The following NOS1AP variants were observed in gnomAD, a reference collection of about 807,000 sequenced individuals.
NOS1AP encodes nitric oxide synthase 1 adaptor protein.
In NOS1AP, 21 loss-of-function variants were observed where a neutral mutation model predicts 56.2. That is an observed-to-expected ratio of 0.37 (90% confidence interval 0.26 to 0.54). The LOEUF (loss-of-function observed/expected upper bound fraction) is 0.54, where lower values mean the gene tolerates loss of function less well. NOS1AP is among the 20% of genes least tolerant of loss of function. NOS1AP has a pLI of 0.84. For synonymous variants in NOS1AP, 270 were observed against 274.6 expected (o/e 0.98, Z 0.17); for missense variants, 522 against 657.8 (o/e 0.79, Z 2.26).
At chr1:162,182,739 G>T (rs901451552) in intron 2 of NOS1AP, among the ~76,000 whole-genome samples, 1 of 152,130 alleles carries the variant, frequency 6.6e-6, no homozygotes, top group Non-Finnish European at 1.5e-5. Context: ...TCCCTAAGAA[G>T]CAACTCCTCA....
chr1:162,267,820 A>G (rs1358634660), intron 2 of NOS1AP, among the ~76,000 whole-genome samples: 1 of 152,186 alleles, frequency 6.6e-6, no homozygotes, highest in East Asian at 1.9e-4. Flanking sequence ...TGATAGCCTT[A>G]ATGGAGCAGA....
intron 2 of NOS1AP, among the ~76,000 whole-genome samples, chr1:162,242,133 A>T (rs1198441798): frequency 2.6e-5 from 4 of 152,188 alleles, no homozygotes; most frequent in Non-Finnish European, 5.9e-5. Context: ...CAGACACTCA[A>T]CTAGGCTTGA....
At chr1:162,221,130 G>T (rs1038956925) in intron 2 of NOS1AP, among the ~76,000 whole-genome samples, 1 of 152,076 alleles carries the variant, frequency 6.6e-6, no homozygotes, top group African/African-American at 2.4e-5. Context: ...TAGTAGAGAC[G>T]GGGTTTCACC....
At chr1:162,312,221 T>A (rs1255183925) in intron 4 of NOS1AP, among the ~76,000 whole-genome samples, 1 of 142,980 alleles carries the variant, frequency 7.0e-6, no homozygotes, top group Non-Finnish European at 1.5e-5. Flanking sequence ...TGTTCCTATT[T>A]CTCCACATCC....
chr1:162,080,967 C>CTCAT, intron 1 of NOS1AP, among the ~76,000 whole-genome samples: 1 of 152,240 alleles, frequency 6.6e-6, no homozygotes, highest in South Asian at 2.1e-4. Flanking sequence ...GAGTAACTTG[C>CTCAT]TCATGGTCTA....
rs57313228 is a variant in NOS1AP, at chr1:162,251,869, G to GTTTTTTTTTTTTTTTTT, written c.178-35471_178-35455dup. On this transcript the variant is annotated intron_variant, in intron 2 of 9. Coordinates refer to ENST00000361897, the MANE Select transcript of NOS1AP (RefSeq NM_014697.3). The stretch of plus-strand genomic sequence containing the variant: ...CACCTAGCTAGTTGTTTTTTTTTTT[G>GTTTTTTTTTTTTTTTTT]TTTTTTTTTTTTTTTTTTTTGTGGA... Among the ~76,000 whole-genome samples the GTTTTTTTTTTTTTTTTT allele has an allele frequency of 3.2e-3, 266 of 82,106 alleles. 2 individuals carry two copies. Among genetic ancestry groups the GTTTTTTTTTTTTTTTTT allele is most frequent in the Middle Eastern group, 0.015 (1 of 66 alleles). The allele number at this position is 82,106 out of a possible 152,430, so 53.9% of individuals were successfully genotyped here.
At chr1:162,133,256 T>A (rs1421674909) in intron 1 of NOS1AP, among the ~76,000 whole-genome samples, 1 of 152,266 alleles carries the variant, frequency 6.6e-6, no homozygotes. Flanking sequence ...TTAGATGCAC[T>A]GTGTTGGTAA....
intron 1 of NOS1AP, among the ~76,000 whole-genome samples, chr1:162,116,912 C>T (rs1647982215): frequency 6.6e-6 from 1 of 152,136 alleles, no homozygotes; most frequent in Non-Finnish European, 1.5e-5. Context: ...CTACATAGAT[C>T]TGTAGCTTTT....
intron 1 of NOS1AP, among the ~76,000 whole-genome samples, chr1:162,096,697 T>C (rs1483160111): frequency 6.6e-6 from 1 of 152,232 alleles, no homozygotes; most frequent in Non-Finnish European, 1.5e-5. Context: ...AATGATATAA[T>C]ATGGTGCTTA....
At chr1:162,136,271 C>CTTTA (rs1391725200) in intron 1 of NOS1AP, among the ~76,000 whole-genome samples, 4 of 151,868 alleles carry the variant, frequency 2.6e-5, no homozygotes, top group East Asian at 3.9e-4. Context: ...GATGGGGATT[C>CTTTA]TTTATTTATT....
chr1:162,287,801 AGAG>A (rs756181597), intron 3 of NOS1AP, among the ~76,000 whole-genome samples: 5 of 152,178 alleles, frequency 3.3e-5, no homozygotes, highest in Non-Finnish European at 5.9e-5. Flanking sequence ...TTGGGCAGCG[AGAG>A]GAGGCTTCCT....
chr1:162,073,514 G>A (rs900994271), intron 1 of NOS1AP, among the ~76,000 whole-genome samples: 1 of 152,160 alleles, frequency 6.6e-6, no homozygotes. Context: ...AGGCTGGAGT[G>A]CAATGGCATG....
chr1:162,293,584 T>G (rs114326115), intron 3 of NOS1AP, among the ~76,000 whole-genome samples: 4,483 of 152,302 alleles, frequency 0.029, 105 homozygotes, highest in Non-Finnish European at 0.043. Context: ...GACTTGACAT[T>G]TGCACTCAAC....
chr1:162,256,084 C>A (rs1654018050), intron 2 of NOS1AP, among the ~76,000 whole-genome samples: 1 of 151,884 alleles, frequency 6.6e-6, no homozygotes, highest in South Asian at 2.1e-4. Flanking sequence ...ACGGAGGTTG[C>A]ATTGAGCCAA....
intron 2 of NOS1AP, among the ~76,000 whole-genome samples, chr1:162,222,157 T>C (rs1373143711): frequency 6.6e-6 from 1 of 152,260 alleles, no homozygotes; most frequent in African/African-American, 2.4e-5. Flanking sequence ...CGTTAGGTAA[T>C]ATCAAATTAC....
At position 162,152,810 on chromosome 1, in the gene NOS1AP, C is replaced by T. The variant is rs373586129; in HGVS notation, c.106-1595C>T. Among the ~76,000 whole-genome samples the T allele has an allele frequency of 3.3e-5, 5 of 152,280 alleles. No individual in the cohort carries two copies. In the South Asian group the frequency reaches 8.3e-4, roughly 25 times the overall value. On this transcript the variant is annotated intron_variant, in intron 1 of 9. Coordinates refer to ENST00000361897, the MANE Select transcript of NOS1AP (RefSeq NM_014697.3). ...GGGGTCAGGCCTCAGCTCCAAATTT[C>T]GGGAAAAACTTGCTTTTCCCGTAAC...
At chr1:162,123,361 T>C (rs11590763) in intron 1 of NOS1AP, among the ~76,000 whole-genome samples, 69,368 of 152,026 alleles carry the variant, frequency 0.46, 19,545 homozygotes, top group Non-Finnish European at 0.62. Flanking sequence ...TTAGTAGAGA[T>C]GGGTTTTGCC....
At chr1:162,328,077 G>C (rs898391411) in intron 4 of NOS1AP, among the ~76,000 whole-genome samples, 1 of 152,206 alleles carries the variant, frequency 6.6e-6, no homozygotes, top group Admixed American at 6.5e-5. Context: ...CTTGAACCTG[G>C]ATCTTTCTCA....
At chr1:162,167,513 C>A (rs1314732354) in intron 2 of NOS1AP, among the ~76,000 whole-genome samples, 1 of 152,192 alleles carries the variant, frequency 6.6e-6, no homozygotes. Flanking sequence ...CTTGCTTGGT[C>A]AGGACTTCCT....
Sources: allele counts gnomAD v4.1 joint callset (sites outside exome capture counted in the v4.1 genomes callset), GRCh38; gene constraint gnomAD v4.1.1; transcripts MANE v1.5; gene names NCBI Gene and HGNC (gene_info 2026-07-23, HGNC 2026-07-21).